BMAL1: variants seen among roughly 807,000 people sequenced by gnomAD.
BMAL1 encodes basic helix-loop-helix ARNT-like protein 1.
At chr11:13,285,770 T>C in the BMAL1 span, among the ~76,000 whole-genome samples, 2 of 152,214 alleles carry the variant, frequency 1.3e-5, no homozygotes, top group Non-Finnish European at 2.9e-5. Context: ...TACAGAATTA[T>C]AGCATTTGTC....
At chr11:13,296,485 CTT>C in the BMAL1 span, among the ~76,000 whole-genome samples, 2 of 152,194 alleles carry the variant, frequency 1.3e-5, no homozygotes, top group Non-Finnish European at 2.9e-5. Context: ...TAGGAAGACT[CTT>C]TGTTACTAAA....
At chr11:13,291,270 C>T in the BMAL1 span, among the ~76,000 whole-genome samples, 4 of 152,198 alleles carry the variant, frequency 2.6e-5, no homozygotes, top group African/African-American at 9.7e-5. Context: ...CTTGTTTAGT[C>T]ATCATCACAA....
the BMAL1 span, among the ~76,000 whole-genome samples, chr11:13,358,839 G>C: frequency 2.4e-4 from 37 of 152,360 alleles, 1 homozygote; most frequent in South Asian, 6.8e-3. Flanking sequence ...GCACGTCTCT[G>C]TATATGCATG....
chr11:13,284,180 G>GTGTA, the BMAL1 span, among the ~76,000 whole-genome samples: 812 of 21,106 alleles, frequency 0.038, 110 homozygotes, highest in Middle Eastern at 0.075. Flanking sequence ...ATATATATGT[G>GTGTA]TATATATATA....
At chr11:13,329,304 C>T in the BMAL1 span, among the ~76,000 whole-genome samples, 1 of 152,194 alleles carries the variant, frequency 6.6e-6, no homozygotes, top group Non-Finnish European at 1.5e-5. Context: ...AAAAACACTG[C>T]CCCTCCAAGT....
chr11:13,380,144 ATAAG>A, the BMAL1 span: 1 of 152,262 alleles, frequency 6.6e-6, no homozygotes, highest in Non-Finnish European at 1.5e-5. Flanking sequence ...TTTCATAGAC[ATAAG>A]TAGAGAAAGG....
the BMAL1 span, among the ~76,000 whole-genome samples, chr11:13,282,874 G>A: frequency 6.6e-6 from 1 of 152,216 alleles, no homozygotes; most frequent in Non-Finnish European, 1.5e-5. Flanking sequence ...TGTGGAGGAG[G>A]AGATGGGATG....
At chr11:13,283,265 T>TG in the BMAL1 span, among the ~76,000 whole-genome samples, 2 of 152,232 alleles carry the variant, frequency 1.3e-5, no homozygotes, top group Non-Finnish European at 2.9e-5. Context: ...TGGCTTGTAT[T>TG]TATTCCTTCA....
chr11:13,289,300 G>C, the BMAL1 span, among the ~76,000 whole-genome samples: 1 of 152,172 alleles, frequency 6.6e-6, no homozygotes, highest in Non-Finnish European at 1.5e-5. Context: ...TACCTCCAGG[G>C]CATGTTTAGG....
chr11:13,349,930 TG>T, the BMAL1 span: 1 of 152,338 alleles, frequency 6.6e-6, no homozygotes, highest in Admixed American at 6.5e-5. Flanking sequence ...TCTTTTCTTG[TG>T]GCCCCCACTG....
the BMAL1 span, chr11:13,378,589 G>C: frequency 1.8e-6 from 2 of 1,101,562 alleles, no homozygotes; most frequent in Non-Finnish European, 2.6e-6. Context: ...ACATCCTGTG[G>C]ATAGAGACCA....
the BMAL1 span, among the ~76,000 whole-genome samples, chr11:13,279,466 A>C: frequency 6.6e-6 from 1 of 152,126 alleles, no homozygotes; most frequent in African/African-American, 2.4e-5. Context: ...CGGATCTGTG[A>C]ATTTGGGTTG....
chr11:13,284,234 GTATATATATATATA>G, the BMAL1 span, among the ~76,000 whole-genome samples: 59 of 4,300 alleles, frequency 0.014, 6 homozygotes, highest in Non-Finnish European at 0.023. Context: ...ATATGTGTGT[GTATATATATATATA>G]TATATATATA....
the BMAL1 span, among the ~76,000 whole-genome samples, chr11:13,342,490 A>G: frequency 6.6e-6 from 1 of 152,084 alleles, no homozygotes; most frequent in Admixed American, 6.5e-5. Context: ...ATGTGAGGTG[A>G]TAAATGGTGT....
At chr11:13,338,084 T>A in the BMAL1 span, among the ~76,000 whole-genome samples, 1 of 152,300 alleles carries the variant, frequency 6.6e-6, no homozygotes, top group Non-Finnish European at 1.5e-5. Context: ...CTCAGAAAAA[T>A]GACCTTGAGC....
the BMAL1 span, among the ~76,000 whole-genome samples, chr11:13,361,892 C>T: frequency 2.0e-5 from 3 of 152,326 alleles, no homozygotes; most frequent in African/African-American, 7.2e-5. Flanking sequence ...TCTAGTCTGG[C>T]TGTCCTTTTT....
At chr11:13,365,713 C>T in the BMAL1 span, 5 of 683,782 alleles carry the variant, frequency 7.3e-6, no homozygotes, top group African/African-American at 1.8e-5. Flanking sequence ...AAATTCTTAA[C>T]TTCTTAACAG....
chr11:13,338,467 G>A, the BMAL1 span, among the ~76,000 whole-genome samples: 9 of 152,186 alleles, frequency 5.9e-5, no homozygotes, highest in Non-Finnish European at 1.0e-4. Context: ...CTAACTTTTA[G>A]TTAACCCATT....
chr11:13,333,662 G>A, the BMAL1 span, among the ~76,000 whole-genome samples: 1 of 152,244 alleles, frequency 6.6e-6, no homozygotes, highest in Non-Finnish European at 1.5e-5. Flanking sequence ...GGCTGCCCAT[G>A]ACAGGCAGTT....
Sources: gnomAD v4.1 joint callset for allele counts (sites outside exome capture counted in the v4.1 genomes callset) on GRCh38, gnomAD v4.1.1 for gene constraint, MANE v1.5 for transcripts, NCBI Gene and HGNC (gene_info 2026-07-23, HGNC 2026-07-21) for gene names.